Variants in C9orf85 observed in about 807,000 individuals in gnomAD.
The protein encoded by C9orf85 is uncharacterized protein C9orf85.
Under a neutral mutation model 14.9 loss-of-function variants are expected in C9orf85, and 16 were observed. That is an observed-to-expected ratio of 1.08 (90% confidence interval 0.73 to 1.63). The LOEUF is 1.63. C9orf85 is among the 40% of genes most tolerant of loss of function. The pLI, the probability that C9orf85 is intolerant of heterozygous loss-of-function variation, is 0.00. For missense variants in C9orf85, 172 were observed against 186.1 expected (o/e 0.92, Z 0.44); for synonymous variants, 45 against 56.8 (o/e 0.79, Z 0.93).
chr9:71,936,483 T>C (rs1279437405), intron 1 of C9orf85, among the ~76,000 whole-genome samples: 1 of 151,972 alleles, frequency 6.6e-6, no homozygotes, highest in Non-Finnish European at 1.5e-5. Flanking sequence ...AAAGACATAT[T>C]ATTTCTAGAT....
At chr9:71,967,552 TTA>T (rs951209698) in intron 2 of C9orf85, among the ~76,000 whole-genome samples, 4 of 152,168 alleles carry the variant, frequency 2.6e-5, no homozygotes, top group South Asian at 2.1e-4. Context: ...AAAATACAGT[TTA>T]TGTTTGTTTA....
chr9:71,921,459 C>G (rs1364190257), intron 1 of C9orf85, among the ~76,000 whole-genome samples: 1 of 152,232 alleles, frequency 6.6e-6, no homozygotes, highest in Non-Finnish European at 1.5e-5. Flanking sequence ...ATCTTTGAAT[C>G]CACATATGAT....
chr9:71,918,090 G>A (rs1827700473), intron 1 of C9orf85, among the ~76,000 whole-genome samples: 1 of 152,170 alleles, frequency 6.6e-6, no homozygotes, highest in East Asian at 1.9e-4. Flanking sequence ...GGCTCAGGCA[G>A]GGGAACCACT....
At chr9:71,966,482 T>A (rs1822693957) in intron 2 of C9orf85, among the ~76,000 whole-genome samples, 3 of 152,210 alleles carry the variant, frequency 2.0e-5, no homozygotes. Flanking sequence ...AAATTTTTCC[T>A]TACCATTTTA....
At chr9:71,911,875 A>G in intron 1 of C9orf85, 39 bp downstream of exon 1, 1 of 1,571,502 alleles carries the variant, frequency 6.4e-7, no homozygotes. Context: ...GACTCCAGGA[A>G]GGAATGGCTC....
At chr9:71,921,724 T>C (rs1827811860) in intron 1 of C9orf85, among the ~76,000 whole-genome samples, 1 of 152,188 alleles carries the variant, frequency 6.6e-6, no homozygotes, top group Non-Finnish European at 1.5e-5. Flanking sequence ...TCTCAAATTC[T>C]TTTTGGTTTA....
chr9:71,929,585 C>T lies in C9orf85; in HGVS notation c.103-17421C>T, dbSNP rs144073437. Among the ~76,000 whole-genome samples the T allele has an allele frequency of 2.0e-5, 3 of 152,152 alleles. No homozygotes were observed. In the East Asian group the frequency reaches 5.8e-4, roughly 30 times the overall value. ...CCTCCTCTCTTAGAACATTGCTTAG[C>T]AAAAATTATGTTTTGTTCTCTAAAT... On this transcript the variant is annotated intron_variant, in intron 1 of 3. Transcript: ENST00000334731.
chr9:71,941,919 C>T (rs918988101), intron 1 of C9orf85: 3 of 151,996 alleles, frequency 2.0e-5, no homozygotes, highest in African/African-American at 7.2e-5. Context: ...TACCCATACA[C>T]ACAAAAAGCA....
chr9:71,962,120 T>C (rs1026565842), intron 2 of C9orf85, among the ~76,000 whole-genome samples: 11 of 152,122 alleles, frequency 7.2e-5, no homozygotes, highest in African/African-American at 2.2e-4. Flanking sequence ...GAGCTGTGAT[T>C]GCACTACTGT....
At chr9:71,919,879 G>T in intron 1 of C9orf85, among the ~76,000 whole-genome samples, 1 of 144,736 alleles carries the variant, frequency 6.9e-6, no homozygotes, top group Non-Finnish European at 1.5e-5. Context: ...TTTTGAGACT[G>T]AATCTCTGTC....
intron 2 of C9orf85, among the ~76,000 whole-genome samples, chr9:71,954,978 C>T (rs1251050365): frequency 1.3e-5 from 2 of 152,096 alleles, no homozygotes; most frequent in African/African-American, 4.8e-5. Context: ...CAAACCAAGA[C>T]GTTAAAGATA....
rs142178034 is a variant in C9orf85 at position 71,947,067 on chromosome 9, G to A, written c.164G>A (p.Arg55His). 3.6e-3 allele frequency: 5,822 copies of A among 1,613,190 alleles called. 16 individuals are homozygous for A. The highest frequency in any genetic ancestry group is 4.3e-3 in the Non-Finnish European group (5,130 of 1,179,486). Residue 55 changes from arginine (R) to histidine (H), a missense_variant, in exon 2 of 4, where the codon CGT becomes CAT. By Grantham distance (29) the Arg-to-His change is conservative (BLOSUM62 0). Transcript: ENST00000334731. ...CGCTGTAAAGAAGTTCTTGAGTGGCGTGTAAAATACAGCAAATACAAACCA... is the reference window on the plus strand; with the variant it reads ...CGCTGTAAAGAAGTTCTTGAGTGGCATGTAAAATACAGCAAATACAAACCA... ...CQRCKEVLEW[R>H]VKYSKYKPLS...
chr9:71,920,834 T>C (rs1008266828), intron 1 of C9orf85, among the ~76,000 whole-genome samples: 26 of 152,094 alleles, frequency 1.7e-4, no homozygotes, highest in Non-Finnish European at 4.4e-5. Flanking sequence ...CACTTAAATA[T>C]ATTGAATGTG....
intron 1 of C9orf85, among the ~76,000 whole-genome samples, chr9:71,927,491 A>G (rs570629961): frequency 2.6e-5 from 4 of 152,318 alleles, no homozygotes; most frequent in African/African-American, 9.6e-5. Context: ...CCAGGTTTCA[A>G]CCAAACCTAG....
At chr9:71,923,175 T>C (rs964163464) in intron 1 of C9orf85, among the ~76,000 whole-genome samples, 2 of 152,214 alleles carry the variant, frequency 1.3e-5, no homozygotes, top group African/African-American at 2.4e-5. Context: ...ATCCCTCAGA[T>C]AATATTTATT....
At chr9:71,919,844 C>CTTTTTTCT (rs560762558) in intron 1 of C9orf85, among the ~76,000 whole-genome samples, 1 of 150,884 alleles carries the variant, frequency 6.6e-6, no homozygotes, top group Non-Finnish European at 1.5e-5. Flanking sequence ...AAGCATGTTT[C>CTTTTTTCT]TTTTTTCTTT....
chr9:71,918,511 A>G, intron 1 of C9orf85: 1 of 1,167,840 alleles, frequency 8.6e-7, no homozygotes, highest in Non-Finnish European at 1.2e-6. Flanking sequence ...GCATCGGTCC[A>G]TGGCCTGTCA....
rs113270821 is a variant in C9orf85, at chr9:71,973,172, A to G, written c.*330A>G. On this transcript the variant is annotated 3_prime_UTR_variant, in exon 4 of 4. Transcript: ENST00000334731. ...AAAAAATAAAATAAAAAGTCAATTTAGAATGTGAAATTCTGACCACCTTTT... is the reference window on the plus strand; with the variant it reads ...AAAAAATAAAATAAAAAGTCAATTTGGAATGTGAAATTCTGACCACCTTTT... 698 of 154,242 alleles carry G rather than the reference A, an allele frequency of 4.5e-3. 5 individuals carry two copies. The highest frequency in any genetic ancestry group is 0.013 in the Middle Eastern group (4 of 306). 9.6% of individuals were successfully genotyped at this position (154,242 alleles called of 1,614,324 possible).
rs189223223 is a variant in C9orf85, at chr9:71,935,458, G to C, written c.103-11548G>C. 3.3e-3 allele frequency among the ~76,000 whole-genome samples: 496 copies of C among 152,070 alleles called. 2 individuals are homozygous for C. The highest frequency in any genetic ancestry group is 0.011 in the African/African-American group (445 of 41,478). ...GAAGGAAATTCTGACATATTCTACAGCATCAATGAACCTTAAGGACATTAT... is the reference window on the plus strand; with the variant it reads ...GAAGGAAATTCTGACATATTCTACACCATCAATGAACCTTAAGGACATTAT... On this transcript the variant is annotated intron_variant, in intron 1 of 3. Transcript: ENST00000334731.
Sources: gnomAD v4.1 joint callset for allele counts (sites outside exome capture counted in the v4.1 genomes callset) on GRCh38, gnomAD v4.1.1 for gene constraint, MANE v1.5 for transcripts, NCBI Gene and HGNC (gene_info 2026-07-23, HGNC 2026-07-21) for gene names.